The following KLF12 variants were observed in gnomAD, a reference collection of about 807,000 sequenced individuals.
KLF12 encodes Krueppel-like factor 12.
A neutral mutation model predicts 37.8 loss-of-function variants in KLF12; 9 were observed. The ratio of observed to expected loss-of-function variants is 0.24; its 90% confidence interval spans 0.14 to 0.42. The LOEUF is 0.42. Ranked by LOEUF, KLF12 falls within the 10% of genes least tolerant of loss-of-function variation. The probability of loss-of-function intolerance (pLI) is 1.00; values close to 1 mark genes in which losing one functional copy is unlikely to be tolerated. For synonymous variants in KLF12, 208 were observed against 202.1 expected (o/e 1.03, Z -0.25); for missense variants, 411 against 516.0 (o/e 0.80, Z 1.97).
In KLF12 at chr13:74,068,679, C is replaced by T. The variant is rs146129654; in HGVS notation, c.-32+65060G>A. Among the ~76,000 whole-genome samples the T allele has an allele frequency of 1.2e-4, 18 of 151,926 alleles. No homozygotes were observed. In the East Asian group the frequency reaches 1.4e-3, roughly 11 times the overall value. ...TCAAACGATTCTCCTGCTTCAGCCA[C>T]GTCAGTAGCTGGGACCACAGGCATG... On this transcript the variant is annotated intron_variant, in intron 1 of 7. Coordinates refer to ENST00000377669, the MANE Select transcript of KLF12 (RefSeq NM_007249.5).
rs1876869495 is a variant in KLF12 at position 73,729,059 on chromosome 13, C to T, written c.870-13534G>A. 3.3e-5 allele frequency among the ~76,000 whole-genome samples: 5 copies of T among 152,312 alleles called. No homozygotes were observed. The South Asian group carries it at 1.0e-3, about 32-fold the overall frequency. ...CAGTTCTGCTTTTAGTCCACTTTGG[C>T]AGAGCTGCTCTTTATTATATTTTTA... On this transcript the variant is annotated intron_variant, in intron 6 of 7. Coordinates refer to ENST00000377669, the MANE Select transcript of KLF12 (RefSeq NM_007249.5).
intron 3 of KLF12, among the ~76,000 whole-genome samples, chr13:73,858,697 T>C (rs985157634): frequency 6.6e-6 from 1 of 152,168 alleles, no homozygotes; most frequent in African/African-American, 2.4e-5. Context: ...GGTAACAGCA[T>C]TTTCCCCCCT....
chr13:74,291,529 G>A, the KLF12 span, among the ~76,000 whole-genome samples: 7 of 152,290 alleles, frequency 4.6e-5, no homozygotes, highest in South Asian at 2.1e-4. Context: ...GTCAGTTGGC[G>A]AAGCAGAACA....
intron 1 of KLF12, among the ~76,000 whole-genome samples, chr13:74,077,391 T>C (rs1166162848): frequency 1.3e-5 from 2 of 152,222 alleles, no homozygotes; most frequent in Non-Finnish European, 2.9e-5. Flanking sequence ...GTATATTCTA[T>C]ACTAAAAGAA....
At chr13:73,867,041 G>C (rs1401055847) in intron 3 of KLF12, among the ~76,000 whole-genome samples, 1 of 151,896 alleles carries the variant, frequency 6.6e-6, no homozygotes, top group Non-Finnish European at 1.5e-5. Flanking sequence ...CTAAAGAGAA[G>C]GTAGGGAAAG....
At chr13:74,023,448 T>C (rs766151462) in intron 1 of KLF12, among the ~76,000 whole-genome samples, 4 of 152,208 alleles carry the variant, frequency 2.6e-5, no homozygotes, top group Non-Finnish European at 5.9e-5. Context: ...CTCACAGTTA[T>C]GGAGGCTGAA....
chr13:74,041,691 TACACACACACACAC>T (rs59315484), intron 1 of KLF12, among the ~76,000 whole-genome samples: 21 of 142,270 alleles, frequency 1.5e-4, no homozygotes, highest in East Asian at 6.4e-4. Flanking sequence ...ATCGCTGATT[TACACACACACACAC>T]ACACACACAC....
At chr13:73,731,685 G>A (rs1877072612) in intron 6 of KLF12, among the ~76,000 whole-genome samples, 1 of 152,124 alleles carries the variant, frequency 6.6e-6, no homozygotes, top group South Asian at 2.1e-4. Context: ...AATTATAGGA[G>A]TTTGTTTTTC....
chr13:73,914,614 G>A, intron 3 of KLF12, among the ~76,000 whole-genome samples: 1 of 152,216 alleles, frequency 6.6e-6, no homozygotes, highest in Non-Finnish European at 1.5e-5. Flanking sequence ...GAACGCCTCT[G>A]TGAAGGACCT....
intron 5 of KLF12, among the ~76,000 whole-genome samples, chr13:73,786,215 T>C (rs1223877161): frequency 6.6e-6 from 1 of 152,184 alleles, no homozygotes; most frequent in East Asian, 1.9e-4. Context: ...AGAAGCGTCC[T>C]CTGGCTGCTC....
chr13:73,882,269 A>G (rs1887016875), intron 3 of KLF12, among the ~76,000 whole-genome samples: 1 of 152,128 alleles, frequency 6.6e-6, no homozygotes, highest in African/African-American at 2.4e-5. Context: ...TGAAGAAGAT[A>G]CTCTTTTTGG....
intron 3 of KLF12, among the ~76,000 whole-genome samples, chr13:73,942,833 T>C (rs116615961): frequency 0.031 from 4,772 of 152,294 alleles, 224 homozygotes; most frequent in African/African-American, 0.099. Flanking sequence ...TCTACCACGA[T>C]GAGGCTCTGT....
intron 6 of KLF12, among the ~76,000 whole-genome samples, chr13:73,741,347 AC>A (rs2137892346): frequency 6.6e-6 from 1 of 152,296 alleles, no homozygotes; most frequent in Non-Finnish European, 1.5e-5. Flanking sequence ...GGAGAGCTAC[AC>A]CAACAATGCT....
intron 1 of KLF12, among the ~76,000 whole-genome samples, chr13:74,066,226 C>T (rs750162535): frequency 5.9e-5 from 9 of 152,090 alleles, no homozygotes; most frequent in South Asian, 4.1e-4. Flanking sequence ...CTCAAAAAGT[C>T]GACTGAAGCA....
chr13:73,762,089 T>C (rs1228013376), intron 6 of KLF12, among the ~76,000 whole-genome samples: 4 of 152,192 alleles, frequency 2.6e-5, no homozygotes, highest in Non-Finnish European at 5.9e-5. Context: ...GGTGCTAATA[T>C]ACCCGCAAGA....
the KLF12 span, among the ~76,000 whole-genome samples, chr13:74,162,820 A>G: frequency 1.3e-5 from 2 of 152,228 alleles, no homozygotes; most frequent in Non-Finnish European, 2.9e-5. Context: ...GAATAAAACA[A>G]TAAATGAGAA....
At chr13:74,229,264 GA>G in the KLF12 span, among the ~76,000 whole-genome samples, 1 of 152,156 alleles carries the variant, frequency 6.6e-6, no homozygotes, top group Non-Finnish European at 1.5e-5. Context: ...TGAAAGCTTT[GA>G]ACCAAGATAA....
the KLF12 span, among the ~76,000 whole-genome samples, chr13:74,285,247 T>C: frequency 6.6e-6 from 1 of 152,170 alleles, no homozygotes; most frequent in South Asian, 2.1e-4. Context: ...CTCAAAGCTC[T>C]TTATGGAATC....
the KLF12 span, among the ~76,000 whole-genome samples, chr13:74,198,060 C>G: frequency 6.6e-6 from 1 of 151,882 alleles, no homozygotes; most frequent in South Asian, 2.1e-4. Context: ...AGAAAGAAAA[C>G]AATGAAAGAG....
Sources: gnomAD v4.1 joint callset for allele counts (sites outside exome capture counted in the v4.1 genomes callset) on GRCh38, gnomAD v4.1.1 for gene constraint, MANE v1.5 for transcripts, NCBI Gene and HGNC (gene_info 2026-07-23, HGNC 2026-07-21) for gene names.